SLC13A1: variants seen among roughly 807,000 people sequenced by gnomAD.
SLC13A1 encodes the protein solute carrier family 13 member 1.
Under a neutral mutation model 70.0 loss-of-function variants are expected in SLC13A1, and 65 were observed. The ratio of observed to expected loss-of-function variants is 0.93; its 90% confidence interval spans 0.76 to 1.14. SLC13A1 has a LOEUF of 1.14. SLC13A1 is among the 50% of genes most tolerant of loss of function. SLC13A1 has a pLI of 0.00. For missense variants in SLC13A1, 726 were observed against 717.8 expected, an observed-to-expected ratio of 1.01 and a Z score of -0.13; for synonymous variants, 275 against 250.5, an observed-to-expected ratio of 1.10 and a Z score of -0.92.
chr7:123,173,968 CTGT>C (rs1232375321), intron 2 of SLC13A1, among the ~76,000 whole-genome samples: 1 of 118,286 alleles, frequency 8.5e-6, no homozygotes, highest in African/African-American at 2.8e-5. Flanking sequence ...AGTCGGGAAG[CTGT>C]TTTTTTTTTT....
intron 1 of SLC13A1, among the ~76,000 whole-genome samples, chr7:123,198,432 T>G (rs1456609869): frequency 8.0e-6 from 1 of 125,668 alleles, no homozygotes; most frequent in Non-Finnish European, 1.8e-5. Flanking sequence ...ATTTGAGGGC[T>G]TAGAAATTTG....
chr7:123,180,954 C>T lies in SLC13A1; in HGVS notation c.228+19G>A, dbSNP rs765662053. 1 of 1,598,352 alleles carries T rather than the reference C, an allele frequency of 6.3e-7. No individual in the cohort carries two copies. Among genetic ancestry groups the T allele is most frequent in the Non-Finnish European group, 8.5e-7 (1 of 1,172,552 alleles). On this transcript the variant is annotated intron_variant, in intron 2 of 14. Coordinates refer to ENST00000194130, the MANE Select transcript of SLC13A1 (RefSeq NM_022444.4). ...TACAAAACAGGAAATCAACTTATGA[C>T]ATTGGCAAGAGGACTTACCTTCTTA...
intron 1 of SLC13A1, among the ~76,000 whole-genome samples, chr7:123,190,990 C>T (rs187052198): frequency 3.8e-4 from 57 of 151,898 alleles, no homozygotes; most frequent in Non-Finnish European, 6.8e-4. Context: ...TTCTTCTGAG[C>T]GGATTTTGTC....
In SLC13A1 at chr7:123,136,283, C is replaced by A. The variant is rs1268198809; in HGVS notation, c.813-1754G>T. ...AGGAATAGTTTTAGAAAAATGAAAG[C>A]CTGAAAAAGTTAAACTTCATTGTTA... On this transcript the variant is annotated intron_variant, in intron 7 of 14. Transcript: ENST00000194130. Among the ~76,000 whole-genome samples, 4 of 152,042 alleles carry A rather than the reference C, an allele frequency of 2.6e-5. No homozygotes were observed. The South Asian group carries it at 8.3e-4, about 32-fold the overall frequency.
At chr7:123,123,322 G>A (rs1793450585) in intron 11 of SLC13A1, 87 bp from the exon 12 acceptor site, 2 of 830,390 alleles carry the variant, frequency 2.4e-6, no homozygotes, top group Non-Finnish European at 4.2e-6. Flanking sequence ...CCATCTTACA[G>A]GAAGTTTGTA....
intron 6 of SLC13A1, among the ~76,000 whole-genome samples, chr7:123,156,584 A>G (rs927425978): frequency 3.9e-5 from 6 of 152,110 alleles, no homozygotes; most frequent in Non-Finnish European, 7.4e-5. Context: ...AGTTAAGTTA[A>G]TAACAGATTA....
At chr7:123,130,254 T>C (rs982348955) in intron 8 of SLC13A1, among the ~76,000 whole-genome samples, 1 of 152,160 alleles carries the variant, frequency 6.6e-6, no homozygotes, top group Admixed American at 6.6e-5. Flanking sequence ...GTTTTAATGA[T>C]ACATGCATAC....
At chr7:123,152,437 T>A (rs1794588356) in intron 6 of SLC13A1, among the ~76,000 whole-genome samples, 1 of 152,128 alleles carries the variant, frequency 6.6e-6, no homozygotes, top group Non-Finnish European at 1.5e-5. Context: ...TATATTGTTT[T>A]TCATAATGGT....
intron 1 of SLC13A1, among the ~76,000 whole-genome samples, chr7:123,182,826 T>A (rs1399475996): frequency 6.6e-6 from 1 of 152,090 alleles, no homozygotes; most frequent in Non-Finnish European, 1.5e-5. Flanking sequence ...ACTTCCATAT[T>A]TTAAGTGGCT....
chr7:123,115,192 A>C lies in SLC13A1; in HGVS notation c.*326T>G, dbSNP rs1793137659. Reference sequence around the variant, plus strand: ...CATTTAAAATGTTACATTGAACTCCAACTGTAAGATGAAACAAATGCTCTA... The same window carrying C: ...CATTTAAAATGTTACATTGAACTCCCACTGTAAGATGAAACAAATGCTCTA... On this transcript the variant is annotated 3_prime_UTR_variant, in exon 15 of 15. Coordinates refer to ENST00000194130, the MANE Select transcript of SLC13A1 (RefSeq NM_022444.4). 5.9e-6 allele frequency: 1 copy of C among 169,920 alleles called. No homozygotes were observed. Among genetic ancestry groups the C allele is most frequent in the Non-Finnish European group, 1.3e-5 (1 of 79,924 alleles). The allele number at this position is 169,920 out of a possible 1,614,324, so 10.5% of individuals were successfully genotyped here.
intron 1 of SLC13A1, among the ~76,000 whole-genome samples, chr7:123,182,366 G>T (rs1468281834): frequency 6.6e-6 from 1 of 152,120 alleles, no homozygotes; most frequent in Non-Finnish European, 1.5e-5. Flanking sequence ...AACCTAGGTT[G>T]CAGAGATAAA....
chr7:123,187,665 G>T (rs572270439), intron 1 of SLC13A1, among the ~76,000 whole-genome samples: 13 of 151,974 alleles, frequency 8.6e-5, no homozygotes, highest in South Asian at 2.1e-4. Flanking sequence ...ATTAAATAAG[G>T]TTTACTCTAT....
chr7:123,173,984 T>TC (rs1795360800), intron 2 of SLC13A1, among the ~76,000 whole-genome samples: 1 of 151,662 alleles, frequency 6.6e-6, no homozygotes, highest in East Asian at 1.9e-4. Context: ...TTTTTTTTTT[T>TC]TTCTCCCTGG....
chr7:123,149,582 G>A, intron 6 of SLC13A1: 1 of 456,552 alleles, frequency 2.2e-6, no homozygotes, highest in Non-Finnish European at 4.4e-6. Context: ...CTAAGTTTAA[G>A]AGTCTAAAGC....
chr7:123,192,913 CT>C lies in SLC13A1; in HGVS notation c.99+6934del, dbSNP rs200019866. 1.7e-4 allele frequency among the ~76,000 whole-genome samples: 26 copies of C among 151,030 alleles called. 2 individuals carry two copies. The South Asian group carries it at 4.8e-3, about 28-fold the overall frequency. ...GAAATAACTAGATGTTTTTTCTTTT[CT>C]TTTTTTTTAAGTTTTTAGCCAAAAT... On this transcript the variant is annotated intron_variant, in intron 1 of 14. Transcript: ENST00000194130.
chr7:123,134,248 A>G (rs908162963), intron 8 of SLC13A1, among the ~76,000 whole-genome samples, 162 bp downstream of exon 8: 2 of 152,112 alleles, frequency 1.3e-5, no homozygotes, highest in African/African-American at 4.8e-5. Flanking sequence ...ATGAGATTCA[A>G]CCTTATCCTT....
At chr7:123,135,406 T>C (rs1478112279) in intron 7 of SLC13A1, among the ~76,000 whole-genome samples, 1 of 152,102 alleles carries the variant, frequency 6.6e-6, no homozygotes, top group Non-Finnish European at 1.5e-5. Flanking sequence ...TGAGAAACAG[T>C]TGTCTTTACT....
intron 6 of SLC13A1, among the ~76,000 whole-genome samples, chr7:123,148,798 T>C (rs1360225438): frequency 2.0e-5 from 3 of 152,154 alleles, no homozygotes; most frequent in Non-Finnish European, 4.4e-5. Flanking sequence ...TTTGACTTTC[T>C]CTTTCTCTCC....
chr7:123,157,330 T>C (rs1794744851), intron 6 of SLC13A1, among the ~76,000 whole-genome samples: 2 of 152,122 alleles, frequency 1.3e-5, no homozygotes, highest in Non-Finnish European at 2.9e-5. Flanking sequence ...CCGTAGTTAA[T>C]AAAGAACTAT....
Sources: gnomAD v4.1 joint callset for allele counts (sites outside exome capture counted in the v4.1 genomes callset) on GRCh38, gnomAD v4.1.1 for gene constraint, MANE v1.5 for transcripts, NCBI Gene and HGNC (gene_info 2026-07-23, HGNC 2026-07-21) for gene names.